Variants in RETREG1 observed in about 807,000 individuals in gnomAD.
RETREG1 encodes the protein reticulophagy regulator 1, also known as family with sequence similarity 134 member B.
A neutral mutation model predicts 54.8 loss-of-function variants in RETREG1; 44 were observed. The observed-to-expected ratio is 0.80, with a 90% CI of 0.63 to 1.03. The LOEUF (loss-of-function observed/expected upper bound fraction) is 1.03. RETREG1 is among the 50% of genes least tolerant of loss of function. The pLI is 0.00. For synonymous variants in RETREG1, 217 were observed against 238.5 expected, an observed-to-expected ratio of 0.91 and a Z score of 0.83; for missense variants, 554 against 605.1, an observed-to-expected ratio of 0.92 and a Z score of 0.89.
intron 3 of RETREG1, among the ~76,000 whole-genome samples, chr5:16,508,062 A>G (rs1352619939): frequency 6.6e-6 from 1 of 152,254 alleles, no homozygotes; most frequent in Non-Finnish European, 1.5e-5. Flanking sequence ...CAGTGATACA[A>G]TTAATGTACT....
chr5:16,530,723 A>G (rs919926177), intron 3 of RETREG1, among the ~76,000 whole-genome samples: 2 of 152,266 alleles, frequency 1.3e-5, no homozygotes, highest in African/African-American at 4.8e-5. Flanking sequence ...AAATACAAAA[A>G]TTAGCTGGGT....
At chr5:16,543,347 T>A (rs1012882142) in intron 3 of RETREG1, among the ~76,000 whole-genome samples, 7 of 152,186 alleles carry the variant, frequency 4.6e-5, no homozygotes, top group African/African-American at 9.7e-5. Flanking sequence ...AGTTGTTGAA[T>A]CACATGGTAG....
intron 3 of RETREG1, among the ~76,000 whole-genome samples, chr5:16,530,653 A>C (rs1448683682): frequency 6.6e-6 from 1 of 152,182 alleles, no homozygotes; most frequent in Non-Finnish European, 1.5e-5. Flanking sequence ...TGAGTGGATC[A>C]CCTGAGATCA....
rs375626348 is a variant in RETREG1 at position 16,568,540 on chromosome 5, T to G, written c.428-2747A>C. On this transcript the variant is annotated intron_variant, in intron 2 of 8. Coordinates refer to ENST00000306320, the MANE Select transcript of RETREG1 (RefSeq NM_001034850.3). ...CACCTGCCTCGGCCTTCCAAAGTGC[T>G]GAGGTCATGCGGAGGCATGAGCCAC... Among the ~76,000 whole-genome samples, 169 of 152,326 alleles carry G rather than the reference T, an allele frequency of 1.1e-3. 1 individual carries two copies. The highest frequency in any genetic ancestry group is 3.8e-3 in the African/African-American group (158 of 41,576).
chr5:16,558,828 TTCAGA>T (rs1435315949), intron 3 of RETREG1, among the ~76,000 whole-genome samples: 1 of 152,258 alleles, frequency 6.6e-6, no homozygotes, highest in Non-Finnish European at 1.5e-5. Flanking sequence ...TATTTGGGAA[TTCAGA>T]TCAGCCAATC....
chr5:16,538,139 C>T (rs1056804894), intron 3 of RETREG1, among the ~76,000 whole-genome samples: 3 of 152,212 alleles, frequency 2.0e-5, no homozygotes, highest in Middle Eastern at 3.4e-3. Flanking sequence ...GAAGAGACTC[C>T]GAAATCTGAC....
chr5:16,533,851 A>G (rs918101204), intron 3 of RETREG1, among the ~76,000 whole-genome samples: 2 of 152,188 alleles, frequency 1.3e-5, no homozygotes, highest in Non-Finnish European at 2.9e-5. Flanking sequence ...AGCCTTCACC[A>G]CTGCTATTTT....
At chr5:16,510,832 A>C (rs1438498221) in intron 3 of RETREG1, among the ~76,000 whole-genome samples, 1 of 151,328 alleles carries the variant, frequency 6.6e-6, no homozygotes, top group South Asian at 2.1e-4. Context: ...AAAAAAAAAA[A>C]AAAAAAAAAA....
At chr5:16,494,268 C>T (rs760021894) in intron 3 of RETREG1, among the ~76,000 whole-genome samples, 1 of 152,060 alleles carries the variant, frequency 6.6e-6, no homozygotes, top group Non-Finnish European at 1.5e-5. Context: ...TATTCAACAA[C>T]AGTATGCAGG....
intron 5 of RETREG1, among the ~76,000 whole-genome samples, chr5:16,480,430 A>G (rs988962571): frequency 6.6e-6 from 1 of 152,068 alleles, no homozygotes; most frequent in Non-Finnish European, 1.5e-5. Flanking sequence ...TAAATCTGTT[A>G]TGAACATTTA....
chr5:16,530,402 T>C (rs766118015), intron 3 of RETREG1, among the ~76,000 whole-genome samples: 1 of 152,226 alleles, frequency 6.6e-6, no homozygotes, highest in Non-Finnish European at 1.5e-5. Flanking sequence ...GCTTGTTTCC[T>C]GATCAGTAAA....
At chr5:16,544,690 A>G (rs1305133741) in intron 3 of RETREG1, among the ~76,000 whole-genome samples, 1 of 152,232 alleles carries the variant, frequency 6.6e-6, no homozygotes, top group Non-Finnish European at 1.5e-5. Context: ...TCCTTTTACC[A>G]ATGAGCTGCC....
chr5:16,518,464 G>A (rs1185144016), intron 3 of RETREG1, among the ~76,000 whole-genome samples: 2 of 151,692 alleles, frequency 1.3e-5, no homozygotes, highest in Non-Finnish European at 1.5e-5. Flanking sequence ...GTGGCTTAGG[G>A]AAATAATGAG....
intron 2 of RETREG1, among the ~76,000 whole-genome samples, chr5:16,568,811 A>C (rs1015553281): frequency 6.6e-6 from 1 of 152,236 alleles, no homozygotes; most frequent in African/African-American, 2.4e-5. Context: ...CTGTACACTT[A>C]AAAATTTTCT....
chr5:16,540,379 C>T (rs1561112202), intron 3 of RETREG1, among the ~76,000 whole-genome samples: 1 of 152,208 alleles, frequency 6.6e-6, no homozygotes, highest in African/African-American at 2.4e-5. Flanking sequence ...GCTAATGTCA[C>T]ACAGGAATAC....
chr5:16,487,868 T>A (rs1579593875), intron 3 of RETREG1, among the ~76,000 whole-genome samples: 1 of 152,208 alleles, frequency 6.6e-6, no homozygotes, highest in Non-Finnish European at 1.5e-5. Flanking sequence ...CAAACCAACA[T>A]CCCTTCTTTC....
intron 3 of RETREG1, among the ~76,000 whole-genome samples, chr5:16,563,224 C>T (rs1437658459): frequency 6.6e-6 from 1 of 152,160 alleles, no homozygotes; most frequent in African/African-American, 2.4e-5. Context: ...AGAGCCTACA[C>T]ATTTCTGTAG....
At chr5:16,490,626 T>C (rs1482754126) in intron 3 of RETREG1, among the ~76,000 whole-genome samples, 1 of 152,228 alleles carries the variant, frequency 6.6e-6, no homozygotes, top group Non-Finnish European at 1.5e-5. Flanking sequence ...GAACTACTGT[T>C]TATTATTCCT....
At chr5:16,536,708 T>C (rs1008069089) in intron 3 of RETREG1, among the ~76,000 whole-genome samples, 2 of 152,190 alleles carry the variant, frequency 1.3e-5, no homozygotes, top group Admixed American at 6.5e-5. Flanking sequence ...CAAATTATCA[T>C]GGAGTGGGAA....
Sources: allele counts gnomAD v4.1 joint callset (sites outside exome capture counted in the v4.1 genomes callset), GRCh38; gene constraint gnomAD v4.1.1; transcripts MANE v1.5; gene names NCBI Gene and HGNC (gene_info 2026-07-23, HGNC 2026-07-21).